FBXO22: variants seen among roughly 807,000 people sequenced by gnomAD.
FBXO22 encodes the protein F-box only protein 22.
Under a neutral mutation model 37.2 loss-of-function variants are expected in FBXO22, and 13 were observed. That is an observed-to-expected ratio of 0.35 (90% CI 0.23 to 0.56). The LOEUF is 0.56. Ranked by LOEUF, FBXO22 falls within the 20% of genes least tolerant of loss-of-function variation. The pLI is 0.87. For synonymous variants in FBXO22, 189 were observed against 189.1 expected (o/e 1.00, Z 0.00); for missense variants, 446 against 509.9 (o/e 0.87, Z 1.21).
intron 2 of FBXO22, among the ~76,000 whole-genome samples, chr15:75,909,569 G>A (rs756351079): frequency 1.6e-4 from 25 of 152,114 alleles, no homozygotes; most frequent in Admixed American, 1.0e-3. Context: ...TCTTTTGCTG[G>A]TACTTGATGT....
intron 2 of FBXO22, among the ~76,000 whole-genome samples, chr15:75,906,695 G>A (rs543424214): frequency 6.6e-6 from 1 of 152,202 alleles, no homozygotes; most frequent in Admixed American, 6.5e-5. Flanking sequence ...CCAGGGAGCT[G>A]GCCAGTATCC....
At position 75,933,147 on chromosome 15, in the gene FBXO22, T is replaced by G. The variant is rs557344264; in HGVS notation, c.*45T>G. 14 of 1,513,858 alleles carry G rather than the reference T, an allele frequency of 9.2e-6. No homozygotes were observed. The Admixed American group carries it at 1.5e-4, about 17-fold the overall frequency. 93.8% of individuals were successfully genotyped at this position (1,513,858 alleles called of 1,614,324 possible). ...AATATGTAACTTTTGGGTTCTGCCT[T>G]TTTCAGAAAATGGAAACTTGGGCCA... On this transcript the variant is annotated 3_prime_UTR_variant, in exon 7 of 7. Transcript: ENST00000308275.
chr15:75,913,347 G>A (rs1229901120), intron 3 of FBXO22, 57 bp downstream of exon 3: 24 of 1,206,292 alleles, frequency 2.0e-5, no homozygotes, highest in African/African-American at 4.5e-5. Context: ...CCTTCCGTTC[G>A]GAGTTCAATA....
intron 2 of FBXO22, among the ~76,000 whole-genome samples, chr15:75,909,343 A>G (rs1899997426): frequency 6.6e-6 from 1 of 152,202 alleles, no homozygotes; most frequent in Non-Finnish European, 1.5e-5. Flanking sequence ...TTCCACAAGA[A>G]CAGAGCAATA....
chr15:75,913,707 C>G (rs368732068), intron 3 of FBXO22, among the ~76,000 whole-genome samples: 31 of 152,300 alleles, frequency 2.0e-4, no homozygotes, highest in Middle Eastern at 3.4e-3. Flanking sequence ...TGCGCACACT[C>G]AGGTCCCAAG....
At chr15:75,919,757 T>C (rs1042364778) in intron 5 of FBXO22, among the ~76,000 whole-genome samples, 1 of 152,110 alleles carries the variant, frequency 6.6e-6, no homozygotes, top group Non-Finnish European at 1.5e-5. Flanking sequence ...GTGGGGGGAA[T>C]AGTAGGGTTC....
chr15:75,904,038 C>A lies in FBXO22; in HGVS notation c.75C>A (p.Asn25Lys). The A allele has an allele frequency of 6.4e-7, 1 of 1,568,978 alleles. No individual in the cohort carries two copies. Among genetic ancestry groups the A allele is most frequent in the Non-Finnish European group, 8.6e-7 (1 of 1,156,386 alleles). The change falls in exon 1 of 7, where the codon AAC becomes AAA. Residue 25 changes from asparagine (N) to lysine (K), a missense_variant. Around this residue, in one of 2 missense-constraint regions of FBXO22, gnomAD observed 131 missense variants for 99.8 expected, o/e 1.31. Transcript: ENST00000308275. The part of the protein sequence containing the change: ...VDPRSTFVLS[N>K]LAEVVERVLT... ...CGCGGAGCACCTTCGTGTTGAGTAA[C>A]CTGGCGGAGGTGGTGGAGCGTGTGC...
intron 4 of FBXO22, among the ~76,000 whole-genome samples, chr15:75,916,486 T>C (rs1900194543): frequency 1.3e-5 from 2 of 152,174 alleles, no homozygotes; most frequent in Admixed American, 6.5e-5. Context: ...ACTAGTCCTG[T>C]TGGATTAGGG....
intron 2 of FBXO22, among the ~76,000 whole-genome samples, chr15:75,912,003 C>T (rs959768355): frequency 2.0e-5 from 3 of 151,310 alleles, no homozygotes; most frequent in Non-Finnish European, 4.4e-5. Flanking sequence ...AAGGCCTTTT[C>T]TGCATCTATT....
At chr15:75,909,089 C>G (rs557653085) in intron 2 of FBXO22, among the ~76,000 whole-genome samples, 1 of 152,206 alleles carries the variant, frequency 6.6e-6, no homozygotes, top group Non-Finnish European at 1.5e-5. Flanking sequence ...AAATAGCTAG[C>G]TTGGAAAAAT....
intron 6 of FBXO22, 120 bp from the exon 7 acceptor site, chr15:75,932,565 C>T: frequency 1.1e-6 from 1 of 908,994 alleles, no homozygotes; most frequent in East Asian, 2.5e-5. Flanking sequence ...GGGTGAGCCT[C>T]AGATTAACCA....
At chr15:75,908,904 C>A (rs899123001) in intron 2 of FBXO22, among the ~76,000 whole-genome samples, 1 of 152,220 alleles carries the variant, frequency 6.6e-6, no homozygotes, top group African/African-American at 2.4e-5. Flanking sequence ...CTGGGCCCCA[C>A]AGGCCATCAT....
Position 75,913,182 on chromosome 15 carries a change from AT to A in FBXO22, c.280-9del, listed in dbSNP as rs367627596. The A allele has an allele frequency of 0.068, 72,872 of 1,072,536 alleles. 307 individuals are homozygous for A. Among genetic ancestry groups the A allele is most frequent in the South Asian group, 0.085 (5,079 of 59,954 alleles). The allele number at this position is 1,072,536 out of a possible 1,614,324, so 66.4% of individuals were successfully genotyped here. On this transcript the variant is annotated intron_variant, in intron 2 of 6. Coordinates refer to ENST00000308275, the MANE Select transcript of FBXO22 (RefSeq NM_147188.3). ...GATGGATTCATGGGATCCAATTCCA[AT>A]TTTTTTTTTTTCTTTGCAGAATGTT...
chr15:75,938,094 T>C lies in FBXO22; in HGVS notation c.*4992T>C, dbSNP rs1243193179. 6.6e-6 allele frequency: 1 copy of C among 152,204 alleles called. No homozygotes were observed. The highest frequency in any genetic ancestry group is 2.1e-4 in the South Asian group (1 of 4,832). The allele number at this position is 152,204 out of a possible 1,614,324, so 9.4% of individuals were successfully genotyped here. A position where few individuals can be genotyped will look rare whatever the true frequency, so the allele number is the denominator to read the frequency against. On this transcript the variant is annotated 3_prime_UTR_variant, in exon 7 of 7. Transcript: ENST00000308275. ...GCCCAAAAGCAGGCCAAAGTAAGTA[T>C]TGAAGGATTACCTGGGACAAAGCTG...
intron 5 of FBXO22, among the ~76,000 whole-genome samples, chr15:75,928,183 T>TC (rs2029880852): frequency 6.6e-6 from 1 of 152,112 alleles, no homozygotes; most frequent in Non-Finnish European, 1.5e-5. Context: ...TTGTGGAAGA[T>TC]AGTGTGGTGA....
At chr15:75,907,139 A>G (rs1899947548) in intron 2 of FBXO22, among the ~76,000 whole-genome samples, 1 of 152,184 alleles carries the variant, frequency 6.6e-6, no homozygotes, top group Non-Finnish European at 1.5e-5. Context: ...GAGTTTATAC[A>G]TTGTAGTGGC....
intron 3 of FBXO22, 80 bp from the exon 4 acceptor site, chr15:75,914,030 T>C: frequency 1.1e-6 from 1 of 934,060 alleles, no homozygotes; most frequent in Non-Finnish European, 1.7e-6. Context: ...ATATTTCCAG[T>C]ATTTGCTTTT....
chr15:75,911,555 G>A (rs1397413128), intron 2 of FBXO22, among the ~76,000 whole-genome samples: 1 of 151,976 alleles, frequency 6.6e-6, no homozygotes, highest in Non-Finnish European at 1.5e-5. Context: ...TCATGATTTG[G>A]CTTTCTGTTT....
At chr15:75,930,747 T>G in intron 6 of FBXO22, 1 of 985,490 alleles carries the variant, frequency 1.0e-6, no homozygotes, top group Non-Finnish European at 1.2e-6. Context: ...ATATCATTTG[T>G]TTCCAGCAGG....
Sources: allele counts gnomAD v4.1 joint callset (sites outside exome capture counted in the v4.1 genomes callset), GRCh38; gene constraint gnomAD v4.1.1; regional missense constraint gnomAD v4.1.1; transcripts MANE v1.5; gene names NCBI Gene and HGNC (gene_info 2026-07-23, HGNC 2026-07-21).